The following TRAPPC14 variants were observed in gnomAD, a reference collection of about 807,000 sequenced individuals.
The protein encoded by TRAPPC14 is microtubule associated protein 11.
Under a neutral mutation model 56.6 loss-of-function variants are expected in TRAPPC14, and 24 were observed. The ratio of observed to expected loss-of-function variants is 0.42; its 90% CI spans 0.31 to 0.60. The LOEUF (loss-of-function observed/expected upper bound fraction) is 0.60, where lower values mean the gene tolerates loss of function less well. Among genes scored for constraint, TRAPPC14 ranks in the 20% least tolerant of loss-of-function variants. The pLI, the probability that TRAPPC14 is intolerant of heterozygous loss-of-function variation, is 0.14. For synonymous variants in TRAPPC14, 377 were observed against 347.0 expected (o/e 1.09, Z -0.96); for missense variants, 615 against 790.3 (o/e 0.78, Z 2.66).
chr7:100,158,147 C>T lies in TRAPPC14; in HGVS notation c.353G>A (p.Gly118Asp), dbSNP rs762390547. Residue 118 changes from glycine (G) to aspartate (D), a missense_variant, in exon 1 of 11, where the codon GGC (glycine) becomes GAC (aspartate). By Grantham distance (94) the Gly-to-Asp change is moderately conservative (BLOSUM62 -1). Coordinates refer to ENST00000316937, the MANE Select transcript of TRAPPC14 (RefSeq NM_018275.5). ...GDPGGGGLFR[G>D]CSPLLTHGPG... ...GCCGTGGGTGAGAAGGGGGCTGCAG[C>T]CTCGGAACAAACCCCCACCCCCAGG... 3 of 1,488,178 alleles carry T rather than the reference C, an allele frequency of 2.0e-6. No individual in the cohort carries two copies. The highest frequency in any genetic ancestry group is 2.4e-5 in the Admixed American group (1 of 41,412). The allele number at this position is 1,488,178 out of a possible 1,614,324, so 92.2% of individuals were successfully genotyped here.
chr7:100,156,408 C>T lies in TRAPPC14; in HGVS notation c.1218G>A (p.Trp406Ter). The T allele has an allele frequency of 6.2e-7, 1 of 1,614,168 alleles. No individual in the cohort carries two copies. The highest frequency in any genetic ancestry group is 1.1e-5 in the South Asian group (1 of 91,076). The change falls in exon 8 of 11, where the codon TGG becomes TGA. Residue 406 changes from tryptophan (W) to a stop codon, truncating the protein, a stop_gained. Transcript: ENST00000316937. LOFTEE classifies it high-confidence loss of function. Reference protein sequence around the residue: ...LQDFLAVRLVWTPEHAQAGKQ... With the variant: ...LQDFLAVRLV ...TACCAGCCTGTGCATGCTCTGGGGTCCACACGAGCCTCACAGCAAGGAAGT... is the reference window on the plus strand; with the variant it reads ...TACCAGCCTGTGCATGCTCTGGGGTTCACACGAGCCTCACAGCAAGGAAGT...
intron 8 of TRAPPC14, 95 bp downstream of exon 8, chr7:100,156,291 A>C: frequency 5.4e-6 from 7 of 1,300,824 alleles, no homozygotes; most frequent in African/African-American, 1.5e-5. Context: ...TGGGGCTGGC[A>C]CCAAATTTGG....
chr7:100,155,952 G>T, intron 8 of TRAPPC14, 127 bp from the exon 9 acceptor site: 2 of 1,245,388 alleles, frequency 1.6e-6, no homozygotes, highest in Non-Finnish European at 1.2e-6. Flanking sequence ...GTTATCTTTT[G>T]TGCATGTTGT....
At chr7:100,156,591 C>A (rs1315021146) in intron 7 of TRAPPC14, 42 bp from the exon 8 acceptor site, 1 of 1,611,902 alleles carries the variant, frequency 6.2e-7, no homozygotes, top group Admixed American at 1.7e-5. Flanking sequence ...GTGTGTCAGG[C>A]CACAAAGGCG....
chr7:100,156,259 T>G (rs1798879180), intron 8 of TRAPPC14, 127 bp downstream of exon 8: 1 of 914,928 alleles, frequency 1.1e-6, no homozygotes, highest in Admixed American at 2.4e-5. Flanking sequence ...GGAAGCCACC[T>G]GCCACAAGTC....
At position 100,155,928 on chromosome 7, in the gene TRAPPC14, TAA is replaced by T. The variant is rs1486849101; in HGVS notation, c.1241-105_1241-104del. 1.3e-5 allele frequency: 18 copies of T among 1,422,240 alleles called. No individual in the cohort carries two copies. The Admixed American group carries it at 3.0e-4, about 24-fold the overall frequency. The allele number at this position is 1,422,240 out of a possible 1,614,324, so 88.1% of individuals were successfully genotyped here. On this transcript the variant is annotated intron_variant, in intron 8 of 10. Transcript: ENST00000316937. ...TGATTCTCAAAGCCACTCTGTGGAG[TAA>T]ACTGAGCAAACGTTATCTTTTGTGC...
Position 100,156,900 on chromosome 7 carries a change from T to C in TRAPPC14, c.938A>G (p.His313Arg). ...FPCPLNALEEHNFLFQLRGGE... is the reference protein window; with the variant it reads ...FPCPLNALEERNFLFQLRGGE... ...CCCTCTCAGCTGAAACAGGAAGTTGTGTTCCTCCAGGGCATTCAGCGGGCA... is the reference window on the plus strand; with the variant it reads ...CCCTCTCAGCTGAAACAGGAAGTTGCGTTCCTCCAGGGCATTCAGCGGGCA... The change falls in exon 6 of 11, where the codon CAC becomes CGC. Residue 313 changes from histidine (H) to arginine (R), a missense_variant. His to Arg is a conservative substitution (Grantham distance 29). Transcript: ENST00000316937. 6.2e-7 allele frequency: 1 copy of C among 1,614,070 alleles called. No individual in the cohort carries two copies. The highest frequency in any genetic ancestry group is 8.5e-7 in the Non-Finnish European group (1 of 1,180,012).
chr7:100,155,278 G>T lies in TRAPPC14; in HGVS notation c.1573C>A (p.Arg525=). 6.4e-7 allele frequency: 1 copy of T among 1,566,468 alleles called. No homozygotes were observed. Among genetic ancestry groups the T allele is most frequent in the East Asian group, 2.4e-5 (1 of 42,118 alleles). ...GTTCTGTACCTCATGAGGTGGCTTC[G>T]GGAAGGCTGCTGGTGGGAGAAGGAC... ...SQSFSHQQPS[R]SHLMRSGSVM... Residue 525 remains arginine (R), a synonymous_variant, in exon 10 of 11, where the codon CGA becomes AGA. Transcript: ENST00000316937.
At position 100,155,504 on chromosome 7, in the gene TRAPPC14, GCCTCCTTCCA is replaced by G. The variant is rs774869634; in HGVS notation, c.1396-59_1396-50del. The G allele has an allele frequency of 2.7e-5, 41 of 1,514,904 alleles. No individual in the cohort carries two copies. The African/African-American group carries it at 5.0e-4, about 19-fold the overall frequency. 93.8% of individuals were successfully genotyped at this position (1,514,904 alleles called of 1,614,324 possible). A position where few individuals can be genotyped will look rare whatever the true frequency, so the allele number is the denominator to read the frequency against. ...TGCCAGCTCGGCTTCCAGGACCCAG[GCCTCCTTCCA>G]AATGGTCTTCCCCATGTGACAGACT... On this transcript the variant is annotated intron_variant, in intron 9 of 10. Coordinates refer to ENST00000316937, the MANE Select transcript of TRAPPC14 (RefSeq NM_018275.5).
rs1798910798 is a variant in TRAPPC14 at position 100,157,613 on chromosome 7, C to T, written c.637+20G>A. 1.2e-5 allele frequency: 20 copies of T among 1,613,708 alleles called. No individual in the cohort carries two copies. The highest frequency in any genetic ancestry group is 2.2e-5 in the East Asian group (1 of 44,892). ...CAATTCCCAGACTCTAGCCCTTTGC[C>T]TCTGCGCTGCCCTGCCCACCTTGGG... is the stretch of plus-strand genomic sequence containing the variant. On this transcript the variant is annotated intron_variant, in intron 3 of 10. Coordinates refer to ENST00000316937, the MANE Select transcript of TRAPPC14 (RefSeq NM_018275.5).
rs1474375620 is a variant in TRAPPC14 at position 100,156,842 on chromosome 7, C to T, written c.993+3G>A. ...TTTGAACACACCAGCCCCTTATGCT[C>T]ACCTCCTTGGCCCCTGGAGGGGGCT... On this transcript the variant is annotated splice_donor_region_variant and intron_variant, in intron 6 of 10. Transcript: ENST00000316937. 1.2e-6 allele frequency: 2 copies of T among 1,613,998 alleles called. No individual in the cohort carries two copies. Among genetic ancestry groups the T allele is most frequent in the South Asian group, 2.2e-5 (2 of 91,066 alleles).
At position 100,158,574 on chromosome 7, in the gene TRAPPC14, A is replaced by G; in HGVS notation, c.-75T>C. The G allele has an allele frequency of 7.9e-7, 1 of 1,272,026 alleles. No homozygotes were observed. Among genetic ancestry groups the G allele is most frequent in the Non-Finnish European group, 9.9e-7 (1 of 1,006,732 alleles). 78.8% of individuals were successfully genotyped at this position (1,272,026 alleles called of 1,614,324 possible). Reference sequence around the variant, plus strand: ...CGGCGGGGCCCGCTAGGGTGGGTCCAGAGGGTCCCGACACCTCCGGCTGCT... The same window carrying G: ...CGGCGGGGCCCGCTAGGGTGGGTCCGGAGGGTCCCGACACCTCCGGCTGCT... On this transcript the variant is annotated 5_prime_UTR_variant, in exon 1 of 11. Coordinates refer to ENST00000316937, the MANE Select transcript of TRAPPC14 (RefSeq NM_018275.5).
chr7:100,158,078 A>G lies in TRAPPC14; in HGVS notation c.411+11T>C, dbSNP rs1231639625. The G allele has an allele frequency of 6.9e-7, 1 of 1,456,378 alleles. No individual in the cohort carries two copies. The allele number at this position is 1,456,378 out of a possible 1,614,324, so 90.2% of individuals were successfully genotyped here. A position where few individuals can be genotyped will look rare whatever the true frequency, so the allele number is the denominator to read the frequency against. Reference sequence around the variant, plus strand: ...CCTCCGTCCTGTGCCAGGTCCCCCAAAGCTCCTCACCGTGGTCGCTCCCCC... The same window carrying G: ...CCTCCGTCCTGTGCCAGGTCCCCCAGAGCTCCTCACCGTGGTCGCTCCCCC... On this transcript the variant is annotated intron_variant, in intron 1 of 10. Transcript: ENST00000316937.
Position 100,157,111 on chromosome 7 carries a change from C to A in TRAPPC14, c.828G>T (p.Leu276=). The A allele has an allele frequency of 6.2e-7, 1 of 1,614,202 alleles. No individual in the cohort carries two copies. The highest frequency in any genetic ancestry group is 8.5e-7 in the Non-Finnish European group (1 of 1,180,040). The change falls in exon 5 of 11, where the codon CTG becomes CTT. Residue 276 remains leucine (L), a synonymous_variant. Transcript: ENST00000316937. ...GACCTCACCAGACATTGTCCACCAG[C>A]AGCACAGAGCCATCGGGCATGACAG... The part of the protein sequence containing the change: ...YLPVMPDGSV[L]LVDNVCHQSG...
rs540807848 is a variant in TRAPPC14, at chr7:100,158,377, C to T, written c.123G>A (p.Gly41=). The change falls in exon 1 of 11, where the codon GGG becomes GGA. Residue 41 remains glycine (G), a synonymous_variant. Coordinates refer to ENST00000316937, the MANE Select transcript of TRAPPC14 (RefSeq NM_018275.5). ...ACACCAGCAGAAAACGGACAGTCTC[C>T]CCCAAGTACAGATGGTTGCGCCGGG... ...ALPRRNHLYL[G]ETVRFLLVLR... 220 of 1,486,678 alleles carry T rather than the reference C, an allele frequency of 1.5e-4. 2 individuals are homozygous for T. The South Asian group carries it at 2.4e-3, about 16-fold the overall frequency. 92.1% of individuals were successfully genotyped at this position (1,486,678 alleles called of 1,614,324 possible).
In TRAPPC14 at chr7:100,155,798, C is replaced by G. The variant is rs775065742; in HGVS notation, c.1268G>C (p.Arg423Pro). The change falls in exon 9 of 11, where the codon CGG becomes CCG. Residue 423 changes from arginine (R) to proline (P), a missense_variant. Transcript: ENST00000316937. ...AGKQLCEEERRAMQAALDSVV... is the reference protein window; with the variant it reads ...AGKQLCEEERPAMQAALDSVV... ...GGAGTCCAGGGCAGCCTGCATGGCC[C>G]GGCGCTCCTCCTCACACAGCTGCTT... 1 of 1,614,194 alleles carries G rather than the reference C, an allele frequency of 6.2e-7. No individual in the cohort carries two copies. Among genetic ancestry groups the G allele is most frequent in the South Asian group, 1.1e-5 (1 of 91,088 alleles).
chr7:100,156,734 G>A lies in TRAPPC14; in HGVS notation c.994-18C>T. On this transcript the variant is annotated intron_variant, in intron 6 of 10. Transcript: ENST00000316937. ...TCCAGGCCCTGCAGGAGGGACAAAGGGGGTTGGCACAGGTATTAAGAGTGC... is the reference window on the plus strand; with the variant it reads ...TCCAGGCCCTGCAGGAGGGACAAAGAGGGTTGGCACAGGTATTAAGAGTGC... The A allele has an allele frequency of 1.2e-6, 2 of 1,606,464 alleles. No homozygotes were observed. Among genetic ancestry groups the A allele is most frequent in the Non-Finnish European group, 1.7e-6 (2 of 1,176,042 alleles).
Position 100,157,833 on chromosome 7 carries a change from C to G in TRAPPC14, c.507+10G>C. On this transcript the variant is annotated intron_variant, in intron 2 of 10. Transcript: ENST00000316937. ...AATTAGGACAATAGCTCCACTCTTG[C>G]TCATCTTACCTTGGCCTTAGGTGTC... 6.2e-7 allele frequency: 1 copy of G among 1,608,618 alleles called. No individual in the cohort carries two copies. Among genetic ancestry groups the G allele is most frequent in the South Asian group, 1.1e-5 (1 of 90,388 alleles).
rs1798939118 is a variant in TRAPPC14, at chr7:100,158,658, C to G, written c.-159G>C. ...GGTCCCGGCACCGGGGCAACGAACCCGAACCGAGACCCGGCAGCGCCGGAA... is the reference window on the plus strand; with the variant it reads ...GGTCCCGGCACCGGGGCAACGAACCGGAACCGAGACCCGGCAGCGCCGGAA... On this transcript the variant is annotated 5_prime_UTR_variant, in exon 1 of 11. Transcript: ENST00000316937. The G allele has an allele frequency of 4.8e-6, 3 of 630,638 alleles. No homozygotes were observed. The highest frequency in any genetic ancestry group is 3.5e-5 in the East Asian group (1 of 28,686). 39.1% of individuals were successfully genotyped at this position (630,638 alleles called of 1,614,324 possible).
Sources: gnomAD v4.1 joint callset for allele counts on GRCh38, gnomAD v4.1.1 for gene constraint, MANE v1.5 for transcripts, NCBI Gene and HGNC (gene_info 2026-07-23, HGNC 2026-07-21) for gene names.